The following ACTR3C variants were observed in gnomAD, a reference collection of about 807,000 sequenced individuals.
ACTR3C encodes the protein actin related protein 3C.
Under a neutral mutation model 26.3 loss-of-function variants are expected in ACTR3C, and 18 were observed. The observed-to-expected ratio is 0.68, with a 90% CI of 0.47 to 1.01. ACTR3C has a LOEUF of 1.01. ACTR3C is among the 50% of genes least tolerant of loss of function. The pLI is 0.00. For synonymous variants in ACTR3C, 55 were observed against 94.5 expected (o/e 0.58, Z 2.42); for missense variants, 184 against 250.7 (o/e 0.73, Z 1.80).
chr7:149,890,933 C>G, the ACTR3C span: 1 of 228,750 alleles, frequency 4.4e-6, no homozygotes, highest in Non-Finnish European at 8.7e-6. Flanking sequence ...GTGCCCTAGG[C>G]TGCATGTGCA....
At chr7:150,087,162 A>G in the ACTR3C span, among the ~76,000 whole-genome samples, 1 of 150,006 alleles carries the variant, frequency 6.7e-6, no homozygotes, top group Admixed American at 6.6e-5. Context: ...TAACTTCTAG[A>G]ACAAAGACCT....
chr7:150,002,499 C>G, the ACTR3C span: 2 of 152,196 alleles, frequency 1.3e-5, no homozygotes, highest in Non-Finnish European at 2.9e-5. Flanking sequence ...TTGAACAATC[C>G]GACAGAGCCG....
chr7:150,039,829 G>GC, the ACTR3C span, among the ~76,000 whole-genome samples: 1 of 92,970 alleles, frequency 1.1e-5, no homozygotes, highest in Non-Finnish European at 2.3e-5. Context: ...GGGTGCCTCC[G>GC]CCCCCAGCGA....
At chr7:150,210,840 GCA>G in the ACTR3C span, among the ~76,000 whole-genome samples, 4 of 143,838 alleles carry the variant, frequency 2.8e-5, 1 homozygote, top group Non-Finnish European at 5.9e-5. Flanking sequence ...ATGCACATGT[GCA>G]CACGTCAATA....
At chr7:150,248,034 A>T (rs1014679748) in intron 7 of ACTR3C, 11 of 152,250 alleles carry the variant, frequency 7.2e-5, no homozygotes, top group African/African-American at 2.7e-4. Context: ...CCAACAATAG[A>T]CGATGCTGTT....
the ACTR3C span, among the ~76,000 whole-genome samples, chr7:149,956,380 G>C: frequency 6.6e-6 from 1 of 152,006 alleles, no homozygotes; most frequent in Non-Finnish European, 1.5e-5. Context: ...AACATAGTGA[G>C]ACCTCATCTC....
the ACTR3C span, among the ~76,000 whole-genome samples, chr7:150,048,867 G>A: frequency 6.6e-6 from 1 of 152,028 alleles, no homozygotes; most frequent in Non-Finnish European, 1.5e-5. Context: ...CCTCTCTCCG[G>A]AGGAGAGCAG....
chr7:150,118,780 T>C, the ACTR3C span, among the ~76,000 whole-genome samples: 1 of 141,432 alleles, frequency 7.1e-6, no homozygotes, highest in Non-Finnish European at 1.5e-5. Flanking sequence ...AGATACATAA[T>C]CTTCAGATTC....
At chr7:150,160,378 TG>T in the ACTR3C span, among the ~76,000 whole-genome samples, 2 of 150,076 alleles carry the variant, frequency 1.3e-5, no homozygotes, top group African/African-American at 5.0e-5. Context: ...TTATTCTTTT[TG>T]CCCCTGCCTT....
At chr7:150,119,357 G>A in the ACTR3C span, among the ~76,000 whole-genome samples, 1 of 152,160 alleles carries the variant, frequency 6.6e-6, no homozygotes, top group Non-Finnish European at 1.5e-5. Flanking sequence ...CACATGCAAA[G>A]ACACACATAG....
At chr7:150,235,285 C>T in the ACTR3C span, among the ~76,000 whole-genome samples, 1 of 152,178 alleles carries the variant, frequency 6.6e-6, no homozygotes, top group Non-Finnish European at 1.5e-5. Context: ...ATAGATTACA[C>T]AACGTTAGGC....
chr7:150,318,045 A>T (rs1190721396), intron 1 of ACTR3C, among the ~76,000 whole-genome samples: 1 of 152,168 alleles, frequency 6.6e-6, no homozygotes, highest in Non-Finnish European at 1.5e-5. Flanking sequence ...TCTCAATGGG[A>T]TGATGTCGGG....
chr7:150,055,354 G>T, the ACTR3C span, among the ~76,000 whole-genome samples: 5 of 152,188 alleles, frequency 3.3e-5, no homozygotes, highest in African/African-American at 9.6e-5. Flanking sequence ...TGGCACCAAG[G>T]TGACCTGGAA....
At chr7:150,041,732 A>T in the ACTR3C span, among the ~76,000 whole-genome samples, 2 of 127,240 alleles carry the variant, frequency 1.6e-5, no homozygotes, top group African/African-American at 6.4e-5. Flanking sequence ...CCCTCCTGCG[A>T]TGGGGGTCCT....
chr7:149,906,652 A>C, the ACTR3C span, among the ~76,000 whole-genome samples: 1 of 144,284 alleles, frequency 6.9e-6, no homozygotes, highest in Non-Finnish European at 1.5e-5. Context: ...GGCTGGTCTC[A>C]AATCCCTGAC....
chr7:149,951,137 G>A, the ACTR3C span, among the ~76,000 whole-genome samples: 6 of 78,420 alleles, frequency 7.7e-5, no homozygotes, highest in South Asian at 2.9e-3. Context: ...AGGCGCAACT[G>A]TGTTTCATGA....
intron 1 of ACTR3C, among the ~76,000 whole-genome samples, chr7:150,298,480 C>G (rs1327825329): frequency 6.7e-6 from 1 of 149,056 alleles, no homozygotes; most frequent in Non-Finnish European, 1.5e-5. Context: ...CAGCCTTCCA[C>G]TTTACTAGGC....
chr7:150,198,753 G>C, the ACTR3C span, among the ~76,000 whole-genome samples: 92 of 76,556 alleles, frequency 1.2e-3, 2 homozygotes, highest in Middle Eastern at 6.8e-3. Context: ...GGAGGGAGGT[G>C]GGGGGGGGTC....
the ACTR3C span, among the ~76,000 whole-genome samples, chr7:149,963,166 G>C: frequency 1.3e-5 from 2 of 149,886 alleles, no homozygotes; most frequent in Admixed American, 1.3e-4. Flanking sequence ...TCTTTGCCGG[G>C]AGAATGAGTC....
Sources: allele counts gnomAD v4.1 joint callset (sites outside exome capture counted in the v4.1 genomes callset), GRCh38; gene constraint gnomAD v4.1.1; transcripts MANE v1.5; gene names NCBI Gene and HGNC (gene_info 2026-07-23, HGNC 2026-07-21).